Variants in EXOC6B observed in about 807,000 individuals in gnomAD.
The protein encoded by EXOC6B is exocyst complex component 6B, also known as SEC15 homolog B.
EXOC6B carries 54 observed loss-of-function variants against 113.5 expected under a neutral mutation model. The ratio of observed to expected loss-of-function variants is 0.48; its 90% CI spans 0.38 to 0.60. The LOEUF (loss-of-function observed/expected upper bound fraction) is 0.60. Among genes scored for constraint, EXOC6B ranks in the 20% least tolerant of loss-of-function variants. EXOC6B has a pLI of 0.00. For synonymous variants in EXOC6B, 357 were observed against 339.0 expected, an observed-to-expected ratio of 1.05 and a Z score of -0.58; for missense variants, 797 against 977.5, an observed-to-expected ratio of 0.82 and a Z score of 2.46.
intron 20 of EXOC6B, among the ~76,000 whole-genome samples, chr2:72,298,302 C>T (rs1686275529): frequency 1.3e-5 from 2 of 152,094 alleles, no homozygotes; most frequent in African/African-American, 4.8e-5. Context: ...ACTAGGATTG[C>T]AACCCCTGCT....
Position 72,459,154 on chromosome 2 carries a change from A to AG in EXOC6B, c.1980+6005_1980+6006insC, listed in dbSNP as rs745556872. Among the ~76,000 whole-genome samples, 22 of 152,158 alleles carry AG rather than the reference A, an allele frequency of 1.4e-4. No homozygotes were observed. The South Asian group carries it at 4.1e-3, about 29-fold the overall frequency. Reference sequence around the variant, plus strand: ...GAAAAGGCCTTTGACAAAATTCAACAACCTTCATGCTAAAAACTCTCAATA... The same window carrying AG: ...GAAAAGGCCTTTGACAAAATTCAACAGACCTTCATGCTAAAAACTCTCAATA... On this transcript the variant is annotated intron_variant, in intron 18 of 21. Transcript: ENST00000272427.
chr2:72,649,028 T>C (rs1673958780), intron 6 of EXOC6B, among the ~76,000 whole-genome samples: 2 of 152,130 alleles, frequency 1.3e-5, no homozygotes, highest in Admixed American at 6.6e-5. Flanking sequence ...TAGTCCCAGC[T>C]ACTCAGGAGG....
At chr2:72,280,878 T>C (rs1453285171) in intron 20 of EXOC6B, among the ~76,000 whole-genome samples, 3 of 152,008 alleles carry the variant, frequency 2.0e-5, no homozygotes, top group African/African-American at 7.2e-5. Context: ...AGTTTGATGA[T>C]GCCAGGGGAG....
In EXOC6B at chr2:72,466,875, T is replaced by C. The variant is rs543540230; in HGVS notation, c.1801-1536A>G. On this transcript the variant is annotated intron_variant, in intron 17 of 21. Transcript: ENST00000272427. ...GTAGGAATACTTAAAAGTACTCTGC[T>C]AGCATTTTTCAAGAATATAACACAG... 5.3e-5 allele frequency among the ~76,000 whole-genome samples: 8 copies of C among 152,320 alleles called. No homozygotes were observed. The East Asian group carries it at 1.3e-3, about 26-fold the overall frequency.
intron 20 of EXOC6B, among the ~76,000 whole-genome samples, chr2:72,185,492 G>T (rs1387915591): frequency 1.3e-5 from 2 of 152,218 alleles, no homozygotes; most frequent in Non-Finnish European, 1.5e-5. Context: ...ACTTAGAAAA[G>T]TCCCTATACC....
intron 20 of EXOC6B, among the ~76,000 whole-genome samples, chr2:72,215,014 A>G (rs543843084): frequency 5.9e-5 from 9 of 152,334 alleles, no homozygotes; most frequent in Non-Finnish European, 1.3e-4. Flanking sequence ...CAAAAGCACA[A>G]GTGAATGCCC....
At chr2:72,465,046 T>A (rs759833934) in intron 18 of EXOC6B, 114 bp downstream of exon 18, 40 of 825,466 alleles carry the variant, frequency 4.8e-5, no homozygotes, top group Non-Finnish European at 2.0e-6. Context: ...CATGCGCCTT[T>A]ATATACTGAA....
intron 18 of EXOC6B, among the ~76,000 whole-genome samples, chr2:72,398,614 T>G (rs1280348654): frequency 6.6e-6 from 1 of 151,718 alleles, no homozygotes; most frequent in Non-Finnish European, 1.5e-5. Context: ...CGAGAATGGC[T>G]TGAACCCAGG....
At chr2:72,648,788 A>G (rs987863048) in intron 6 of EXOC6B, among the ~76,000 whole-genome samples, 2 of 139,330 alleles carry the variant, frequency 1.4e-5, no homozygotes, top group African/African-American at 5.5e-5. Context: ...GTTAAATGAA[A>G]TAAACCAGGC....
chr2:72,353,398 G>T (rs1040997534), intron 19 of EXOC6B, among the ~76,000 whole-genome samples: 2 of 105,770 alleles, frequency 1.9e-5, no homozygotes, highest in African/African-American at 8.3e-5. Flanking sequence ...TTGAGATGGA[G>T]CCTCGCTCTG....
Position 72,511,579 on chromosome 2 carries a change from C to T in EXOC6B, c.1167+1553G>A, listed in dbSNP as rs1442657431. The stretch of plus-strand genomic sequence containing the variant: ...TCATTCTTACCCCTCATCCACTATC[C>T]ACACTTAAGCCAAAACAATCTTTCA... On this transcript the variant is annotated intron_variant, in intron 11 of 21. Coordinates refer to ENST00000272427, the MANE Select transcript of EXOC6B (RefSeq NM_015189.3). 3.3e-5 allele frequency among the ~76,000 whole-genome samples: 5 copies of T among 152,060 alleles called. No individual in the cohort carries two copies. The South Asian group carries it at 8.3e-4, about 25-fold the overall frequency.
At chr2:72,334,889 A>G (rs2104879622) in intron 20 of EXOC6B, 58 bp downstream of exon 20, 1 of 1,504,266 alleles carries the variant, frequency 6.6e-7, no homozygotes, top group East Asian at 2.3e-5. Context: ...TTAAGACCTG[A>G]TGGTCTTCAG....
intron 12 of EXOC6B, among the ~76,000 whole-genome samples, chr2:72,499,453 A>G (rs1573264139): frequency 6.6e-6 from 1 of 151,242 alleles, no homozygotes; most frequent in East Asian, 1.9e-4. Flanking sequence ...CTGGTCTCAA[A>G]CTCCTGACCT....
intron 13 of EXOC6B, among the ~76,000 whole-genome samples, 165 bp downstream of exon 13, chr2:72,498,289 G>A (rs1358457166): frequency 2.6e-5 from 4 of 152,138 alleles, no homozygotes; most frequent in East Asian, 1.9e-4. Flanking sequence ...AATTTTGGAC[G>A]TTCTAACAGT....
intron 6 of EXOC6B, among the ~76,000 whole-genome samples, chr2:72,612,253 C>G (rs1671119601): frequency 6.6e-6 from 1 of 151,032 alleles, no homozygotes; most frequent in Non-Finnish European, 1.5e-5. Flanking sequence ...CCAGCCTGGG[C>G]AACAGAGCGA....
intron 6 of EXOC6B, among the ~76,000 whole-genome samples, chr2:72,669,339 A>G (rs976751976): frequency 6.6e-6 from 1 of 151,672 alleles, no homozygotes; most frequent in African/African-American, 2.4e-5. Context: ...TCTAAGAAAG[A>G]TGATTCACTT....
rs57897982 is a variant in EXOC6B at position 72,470,548 on chromosome 2, T to C, written c.1801-5209A>G. On this transcript the variant is annotated intron_variant, in intron 17 of 21. Coordinates refer to ENST00000272427, the MANE Select transcript of EXOC6B (RefSeq NM_015189.3). Reference sequence around the variant, plus strand: ...TTGATACATATGTATACATGTGCCATGTTGGTGTGCTGCACCTATTAACTC... The same window carrying C: ...TTGATACATATGTATACATGTGCCACGTTGGTGTGCTGCACCTATTAACTC... Among the ~76,000 whole-genome samples, 1,033 of 152,222 alleles carry C rather than the reference T, an allele frequency of 6.8e-3. 18 individuals carry two copies. Among genetic ancestry groups the C allele is most frequent in the African/African-American group, 0.023 (955 of 41,536 alleles).
chr2:72,552,913 GA>G (rs1331344008), intron 8 of EXOC6B, among the ~76,000 whole-genome samples: 8 of 151,786 alleles, frequency 5.3e-5, no homozygotes, highest in African/African-American at 1.9e-4. Flanking sequence ...ATTAATCAAT[GA>G]AAAAAGTCAG....
intron 20 of EXOC6B, among the ~76,000 whole-genome samples, chr2:72,187,291 T>C (rs1678501953): frequency 6.6e-6 from 1 of 151,986 alleles, no homozygotes; most frequent in South Asian, 2.1e-4. Context: ...GCTGCAGCTC[T>C]TCTCTCCTTC....
Sources: gnomAD v4.1 joint callset for allele counts (sites outside exome capture counted in the v4.1 genomes callset) on GRCh38, gnomAD v4.1.1 for gene constraint, MANE v1.5 for transcripts, NCBI Gene and HGNC (gene_info 2026-07-23, HGNC 2026-07-21) for gene names.